CUX2: variants seen among roughly 807,000 people sequenced by gnomAD.
CUX2 encodes cut like homeobox 2.
Under a neutral mutation model 144.8 loss-of-function variants are expected in CUX2, and 40 were observed. That is an observed-to-expected ratio of 0.28 (90% CI 0.21 to 0.36). The LOEUF (loss-of-function observed/expected upper bound fraction) is 0.36. CUX2 is among the 10% of genes least tolerant of loss of function. The probability of loss-of-function intolerance (pLI) is 1.00; values close to 1 mark genes in which losing one functional copy is unlikely to be tolerated. For missense variants in CUX2, 1,615 were observed against 1,994.0 expected, an observed-to-expected ratio of 0.81 and a Z score of 3.62; for synonymous variants, 827 against 875.6, an observed-to-expected ratio of 0.94 and a Z score of 0.98.
At chr12:111,339,327 A>G (rs1048171832) in intron 20 of CUX2, among the ~76,000 whole-genome samples, 2 of 151,924 alleles carry the variant, frequency 1.3e-5, no homozygotes, top group African/African-American at 2.4e-5. Flanking sequence ...GCCAGCCCCA[A>G]CTGTCTATTT....
chr12:111,312,286 C>G lies in CUX2; in HGVS notation c.2002+85C>G. ...TGAGGCTTCGTCTACCTTTGTCCAC[C>G]CCAGAGGGAATCCAAGGTGGATCAG... On this transcript the variant is annotated intron_variant, in intron 16 of 21. Transcript: ENST00000261726. The surrounding 1 kb of genome is among the most constrained non-coding windows in gnomAD (Gnocchi z 4.3). 1 of 1,234,638 alleles carries G rather than the reference C, an allele frequency of 8.1e-7. No homozygotes were observed. Among genetic ancestry groups the G allele is most frequent in the Non-Finnish European group, 1.1e-6 (1 of 876,802 alleles). The allele number at this position is 1,234,638 out of a possible 1,614,324, so 76.5% of individuals were successfully genotyped here. A position where few individuals can be genotyped will look rare whatever the true frequency, so the allele number is the denominator to read the frequency against.
chr12:111,097,061 A>G (rs1399493523), intron 1 of CUX2, among the ~76,000 whole-genome samples: 1 of 152,184 alleles, frequency 6.6e-6, no homozygotes, highest in Non-Finnish European at 1.5e-5. Context: ...GATAAAAAGG[A>G]TTAAATCCTA....
intron 1 of CUX2, among the ~76,000 whole-genome samples, chr12:111,075,363 T>G (rs993160075): frequency 3.3e-5 from 5 of 151,924 alleles, no homozygotes; most frequent in Admixed American, 3.3e-4. Context: ...ACTTATAAAT[T>G]TATTATTTAA....
intron 1 of CUX2, among the ~76,000 whole-genome samples, chr12:111,195,715 C>T (rs1880197778): frequency 6.6e-6 from 1 of 152,188 alleles, no homozygotes; most frequent in African/African-American, 2.4e-5. Context: ...ACACTAAGGA[C>T]TTGTCCATAA....
rs1344324565 is a variant in CUX2 at position 111,298,079 on chromosome 12, G to GC, written c.705-456dup. Among the ~76,000 whole-genome samples, 9 of 152,264 alleles carry GC rather than the reference G, an allele frequency of 5.9e-5. No homozygotes were observed. The East Asian group carries it at 7.7e-4, about 13-fold the overall frequency. On this transcript the variant is annotated intron_variant, in intron 8 of 21. Coordinates refer to ENST00000261726, the MANE Select transcript of CUX2 (RefSeq NM_015267.4). ...TTGGGTCACAAAGTGCTCCCCACGT[G>GC]CCCCCCGCGTCTCCCACCCCCTGCT... is the stretch of plus-strand genomic sequence containing the variant.
chr12:111,263,296 G>A lies in CUX2; in HGVS notation c.223-465G>A, dbSNP rs535815578. 7.2e-5 allele frequency among the ~76,000 whole-genome samples: 11 copies of A among 152,128 alleles called. No homozygotes were observed. The highest frequency in any genetic ancestry group is 2.4e-4 in the African/African-American group (10 of 41,524). On this transcript the variant is annotated intron_variant, in intron 3 of 21. Transcript: ENST00000261726. The surrounding 1 kb of genome is among the most constrained non-coding windows in gnomAD (Gnocchi z 4.0). ...GGGCAACCTGTAGCAAGACCCCATC[G>A]CTTAAACAAACAAGAAAAAAAATAC...
chr12:111,125,394 G>T (rs1471992196), intron 1 of CUX2, among the ~76,000 whole-genome samples: 1 of 152,188 alleles, frequency 6.6e-6, no homozygotes, highest in African/African-American at 2.4e-5. Context: ...GACCAGGCTG[G>T]TCTTGAACTC....
chr12:111,227,844 CTG>C (rs1331061630), intron 3 of CUX2, among the ~76,000 whole-genome samples: 1 of 152,144 alleles, frequency 6.6e-6, no homozygotes, highest in Non-Finnish European at 1.5e-5. Context: ...TATTTGGCAC[CTG>C]TTGTATACAA....
At chr12:111,269,532 C>T (rs574269714) in intron 4 of CUX2, among the ~76,000 whole-genome samples, 1 of 152,270 alleles carries the variant, frequency 6.6e-6, no homozygotes, top group Non-Finnish European at 1.5e-5. Flanking sequence ...GTGACCAGAT[C>T]ATCGGTCACA....
At chr12:111,060,369 C>T (rs571451322) in intron 1 of CUX2, among the ~76,000 whole-genome samples, 16 of 152,332 alleles carry the variant, frequency 1.1e-4, no homozygotes, top group African/African-American at 3.6e-4. Flanking sequence ...TTTAAAATCA[C>T]CGTACAAACA....
chr12:111,058,829 T>G (rs952197495), intron 1 of CUX2, among the ~76,000 whole-genome samples: 1 of 152,048 alleles, frequency 6.6e-6, no homozygotes. Flanking sequence ...ATAGACAGAG[T>G]AGGACATTCC....
chr12:111,264,838 C>G (rs1013638933), intron 4 of CUX2, among the ~76,000 whole-genome samples: 2 of 152,114 alleles, frequency 1.3e-5, no homozygotes, highest in Admixed American at 1.3e-4. Context: ...GAAACCAAGG[C>G]CACATAGTGT....
chr12:111,173,536 A>T (rs1446845508), intron 1 of CUX2, among the ~76,000 whole-genome samples: 1 of 152,188 alleles, frequency 6.6e-6, no homozygotes, highest in Non-Finnish European at 1.5e-5. Context: ...TAGTCTAGCT[A>T]TGAAGAGGCA....
rs1362434503 is a variant in CUX2 at position 111,263,131 on chromosome 12, C to T, written c.223-630C>T. On this transcript the variant is annotated intron_variant, in intron 3 of 21. Transcript: ENST00000261726. The surrounding 1 kb of genome is among the most constrained non-coding windows in gnomAD (Gnocchi z 4.0). The stretch of plus-strand genomic sequence containing the variant: ...TAACTCCAGAGCCCACACTTTTAAC[C>T]TTCATTTCTCCTTCTTGCCCCTCCC... Among the ~76,000 whole-genome samples, 1 of 152,198 alleles carries T rather than the reference C, an allele frequency of 6.6e-6. No individual in the cohort carries two copies. Among genetic ancestry groups the T allele is most frequent in the Non-Finnish European group, 1.5e-5 (1 of 68,044 alleles).
At chr12:111,131,741 C>T (rs998412287) in intron 1 of CUX2, among the ~76,000 whole-genome samples, 3 of 152,200 alleles carry the variant, frequency 2.0e-5, no homozygotes, top group African/African-American at 7.2e-5. Context: ...AAAATGATCT[C>T]CTTTGATTCC....
intron 1 of CUX2, among the ~76,000 whole-genome samples, chr12:111,126,043 G>A (rs527678462): frequency 6.2e-5 from 9 of 145,470 alleles, no homozygotes; most frequent in Middle Eastern, 3.5e-3. Context: ...GGGTGGTGGC[G>A]TGGGGGGGGC....
chr12:111,156,762 G>A (rs1309663921), intron 1 of CUX2, among the ~76,000 whole-genome samples: 1 of 152,140 alleles, frequency 6.6e-6, no homozygotes, highest in Non-Finnish European at 1.5e-5. Flanking sequence ...TGGATCACTT[G>A]AGATCAGGAG....
At chr12:111,042,182 C>T (rs961249090) in intron 1 of CUX2, among the ~76,000 whole-genome samples, 12 of 152,244 alleles carry the variant, frequency 7.9e-5, no homozygotes, top group South Asian at 2.1e-4. Context: ...GAGCCGCCGT[C>T]GCTCAAGCTG....
At position 111,117,859 on chromosome 12, in the gene CUX2, C is replaced by T. The variant is rs141564868; in HGVS notation, c.63+83619C>T. ...TTGGCTCCAGGTATTTGAATGCAGG[C>T]CAAGCTTGGCTACAGAACCCATATT... On this transcript the variant is annotated intron_variant, in intron 1 of 21. Transcript: ENST00000261726. Among the ~76,000 whole-genome samples the T allele has an allele frequency of 4.7e-3, 722 of 152,302 alleles. 10 individuals are homozygous for T. Among genetic ancestry groups the T allele is most frequent in the African/African-American group, 0.016 (680 of 41,552 alleles).
Sources: gnomAD v4.1 joint callset for allele counts (sites outside exome capture counted in the v4.1 genomes callset) on GRCh38, gnomAD v4.1.1 for gene constraint, Gnocchi (gnomAD v3.1) non-coding constraint, MANE v1.5 for transcripts, NCBI Gene and HGNC (gene_info 2026-07-23, HGNC 2026-07-21) for gene names.